The following MUC4 variants were observed in gnomAD, a reference collection of about 807,000 sequenced individuals.
MUC4 encodes the protein mucin-4.
Under a neutral mutation model 257.9 loss-of-function variants are expected in MUC4, and 202 were observed. The observed-to-expected ratio is 0.78, with a 90% confidence interval of 0.70 to 0.88. MUC4 has a LOEUF of 0.88. MUC4 is among the 40% of genes least tolerant of loss of function. The pLI is 0.00. For synonymous variants in MUC4, 2,351 were observed against 2,757.1 expected, an observed-to-expected ratio of 0.85 and a Z score of 4.62; for missense variants, 5,976 against 6,513.7, an observed-to-expected ratio of 0.92 and a Z score of 2.84.
intron 3 of MUC4, 78 bp from the exon 4 acceptor site, chr3:195,774,383 T>C: frequency 6.9e-7 from 1 of 1,455,588 alleles, no homozygotes; most frequent in Non-Finnish European, 9.1e-7. Flanking sequence ...CCCAGAGCGC[T>C]CCCTGCAGGC....
intron 23 of MUC4, chr3:195,750,619 A>C: frequency 1.8e-6 from 1 of 552,312 alleles, no homozygotes; most frequent in Non-Finnish European, 3.2e-6. Flanking sequence ...AATTTTATGA[A>C]ACTAAATTGC....
intron 20 of MUC4, 98 bp from the exon 21 acceptor site, chr3:195,752,544 G>A (rs1441706610): frequency 9.9e-7 from 1 of 1,014,186 alleles, no homozygotes; most frequent in African/African-American, 1.6e-5. Context: ...CTCCATTCCA[G>A]TGACAGAAGG....
Position 195,808,682 on chromosome 3 carries a change from G to A in MUC4, c.82+3054C>T, listed in dbSNP as rs548576715. On this transcript the variant is annotated intron_variant, in intron 1 of 24. Transcript: ENST00000463781. ...AGGGCGTCGCTGATGCTGGACCTCT[G>A]AGTTTCAGCCCCTGCTCTTCCCTGT... Among the ~76,000 whole-genome samples, 9 of 152,344 alleles carry A rather than the reference G, an allele frequency of 5.9e-5. No homozygotes were observed. The South Asian group carries it at 1.9e-3, about 32-fold the overall frequency.
chr3:195,751,506 C>T (rs114120044), intron 21 of MUC4: 1 of 594,270 alleles, frequency 1.7e-6, no homozygotes, highest in African/African-American at 1.9e-5. Context: ...TCTGTCCCCC[C>T]CTCAGCCTCA....
At position 195,779,543 on chromosome 3, in the gene MUC4, G is replaced by C. The variant is rs200579564; in HGVS notation, c.12037C>G (p.His4013Asp). Residue 4013 changes from histidine (H) to aspartate (D), a missense_variant, in exon 2 of 25, where the codon CAC (histidine) becomes GAC (aspartate). Physicochemically the swap from His to Asp is moderately conservative, Grantham distance 81. Around this residue, in one of 44 missense-constraint regions of MUC4, gnomAD observed 293 missense variants for 294.5 expected, o/e 1.00. Coordinates refer to ENST00000463781, the MANE Select transcript of MUC4 (RefSeq NM_018406.7). ...CTGGTGACAGGAAGAGGGGTGGCGT[G>C]ACCTGTAGATACTGAGGAAGTGCTG... Reference protein sequence around the residue: ...VTSTSSVSTGHATPLPVTSPS... With the variant: ...VTSTSSVSTGDATPLPVTSPS... 2.7e-3 allele frequency: 2,508 copies of C among 932,076 alleles called. 61 individuals carry two copies. Among genetic ancestry groups the C allele is most frequent in the African/African-American group, 7.4e-3 (243 of 32,940 alleles). The allele number at this position is 932,076 out of a possible 1,614,324, so 57.7% of individuals were successfully genotyped here.
At chr3:195,811,589 T>C (rs931258307) in intron 1 of MUC4, 147 bp downstream of exon 1, 13 of 657,344 alleles carry the variant, frequency 2.0e-5, no homozygotes, top group Non-Finnish European at 3.4e-5. Context: ...TCCCTCTTTT[T>C]CTCTCCCTTC....
At chr3:195,767,594 C>CCACCATCAT (rs1721205355) in intron 7 of MUC4, among the ~76,000 whole-genome samples, 4 of 111,684 alleles carry the variant, frequency 3.6e-5, no homozygotes, top group African/African-American at 1.6e-4. Context: ...ATCACCACCA[C>CCACCATCAT]CACCATCATC....
rs1727237005 is a variant in MUC4, at chr3:195,780,713, A to T, written c.10867T>A (p.Ser3623Thr). 1.3e-6 allele frequency: 2 copies of T among 1,517,676 alleles called. No homozygotes were observed. Among genetic ancestry groups the T allele is most frequent in the Non-Finnish European group, 1.8e-6 (2 of 1,141,626 alleles). The allele number at this position is 1,517,676 out of a possible 1,614,324, so 94.0% of individuals were successfully genotyped here. A position where few individuals can be genotyped will look rare whatever the true frequency, so the allele number is the denominator to read the frequency against. ...DTTRLPVTDTSSASTGQATPL... is the reference protein window; with the variant it reads ...DTTRLPVTDTTSASTGQATPL... Reference sequence around the variant, plus strand: ...GTGGCCTGACCTGTGGATGCTGAGGAAGTGTCCGTGACAGGAAGACGGGTG... The same window carrying T: ...GTGGCCTGACCTGTGGATGCTGAGGTAGTGTCCGTGACAGGAAGACGGGTG... Residue 3623 changes from serine to threonine, a missense_variant, in exon 2 of 25, where the codon TCC (serine) becomes ACC (threonine). Around this residue, in one of 44 missense-constraint regions of MUC4, gnomAD observed 59 missense variants for 149.8 expected, o/e 0.39. Coordinates refer to ENST00000463781, the MANE Select transcript of MUC4 (RefSeq NM_018406.7).
rs553059501 is a variant in MUC4, at chr3:195,805,020, G to T, written c.82+6716C>A. Among the ~76,000 whole-genome samples the T allele has an allele frequency of 6.8e-4, 104 of 152,074 alleles. 3 individuals are homozygous for T. Among genetic ancestry groups the T allele is most frequent in the Non-Finnish European group, 5.0e-4 (34 of 68,020 alleles). ...GGCCCTGTGGCCTTTGTTGCCTTCAGCCGAGGCTGGAGAGAGGGTGACGTT... is the reference window on the plus strand; with the variant it reads ...GGCCCTGTGGCCTTTGTTGCCTTCATCCGAGGCTGGAGAGAGGGTGACGTT... On this transcript the variant is annotated intron_variant, in intron 1 of 24. Coordinates refer to ENST00000463781, the MANE Select transcript of MUC4 (RefSeq NM_018406.7).
chr3:195,778,202 C>T, intron 3 of MUC4, 101 bp downstream of exon 3: 2 of 1,422,774 alleles, frequency 1.4e-6, no homozygotes, highest in East Asian at 2.5e-5. Flanking sequence ...CGGTAAGGCC[C>T]TCCCCACCCG....
Position 195,771,544 on chromosome 3 carries a change from G to A in MUC4, c.13242+108C>T, listed in dbSNP as rs886109507. ...ACCCATATTTAAGCCTCAGTCCCCT[G>A]CTGCAGGGGCTGTCACAGCAGCAAC... is the stretch of plus-strand genomic sequence containing the variant. On this transcript the variant is annotated intron_variant, in intron 5 of 24. Transcript: ENST00000463781. 7.6e-6 allele frequency: 10 copies of A among 1,314,252 alleles called. No individual in the cohort carries two copies. In the Admixed American group the frequency reaches 1.2e-4, roughly 15 times the overall value. The allele number at this position is 1,314,252 out of a possible 1,614,324, so 81.4% of individuals were successfully genotyped here.
At chr3:195,800,059 T>A (rs897193109) in intron 1 of MUC4, among the ~76,000 whole-genome samples, 4 of 152,006 alleles carry the variant, frequency 2.6e-5, no homozygotes, top group Non-Finnish European at 4.4e-5. Flanking sequence ...GGGTGGATCA[T>A]TTGAGGTCAG....
Position 195,780,918 on chromosome 3 carries a change from A to T in MUC4, c.10662T>A (p.Pro3554=). Residue 3554 remains proline, a synonymous_variant, in exon 2 of 25, where the codon CCT becomes CCA. Transcript: ENST00000463781. ...SVSTGDTTPL[P]VTDASSASTG... is the part of the protein sequence containing the mutation. ...TGGATGCCGAGGAAGCGTCGGTGAC[A>T]GGAAGAGGGGTGGTGTCACCTGTGG... 6.6e-7 allele frequency: 1 copy of T among 1,513,796 alleles called. No individual in the cohort carries two copies. Among genetic ancestry groups the T allele is most frequent in the Non-Finnish European group, 8.9e-7 (1 of 1,123,896 alleles). 93.8% of individuals were successfully genotyped at this position (1,513,796 alleles called of 1,614,324 possible).
At chr3:195,768,951 G>A (rs1432524270) in intron 7 of MUC4, 71 bp downstream of exon 7, 2 of 1,545,386 alleles carry the variant, frequency 1.3e-6, no homozygotes, top group Non-Finnish European at 1.8e-6. Context: ...ATGGGAGTGT[G>A]TGTGCAGCGA....
chr3:195,759,855 G>T (rs1256478253), intron 16 of MUC4, among the ~76,000 whole-genome samples: 2 of 140,976 alleles, frequency 1.4e-5, no homozygotes, highest in Non-Finnish European at 3.1e-5. Flanking sequence ...GGAAGCAGAG[G>T]TTGCGACGAG....
chr3:195,789,003 T>G lies in MUC4; in HGVS notation c.2577A>C (p.Val859=), dbSNP rs1286304680. The G allele has an allele frequency of 3.7e-6, 6 of 1,613,650 alleles. No individual in the cohort carries two copies. The highest frequency in any genetic ancestry group is 5.1e-6 in the Non-Finnish European group (6 of 1,179,810). Residue 859 remains valine, a synonymous_variant, in exon 2 of 25, where the codon GTA becomes GTC. Coordinates refer to ENST00000463781, the MANE Select transcript of MUC4 (RefSeq NM_018406.7). ...CGATCGAAGACGCCATTCCTGTGCT[T>G]ACTGGGATGGCACCATGACTGGCTG... ...SASASHGAIP[V]STGMASSIVP...
intron 13 of MUC4, 112 bp downstream of exon 13, chr3:195,762,721 CACGCGCCCGGCCCTGCACCACA>C: frequency 3.1e-6 from 2 of 640,092 alleles, no homozygotes; most frequent in South Asian, 3.6e-5. Context: ...GCGGCACCGC[CACGCGCCCGGCCCTGCACCACA>C]ACGCACCCGG....
Position 195,778,370 on chromosome 3 carries a change from G to A in MUC4, c.12876C>T (p.Ser4292=), listed in dbSNP as rs1578180261. 6.2e-7 allele frequency: 1 copy of A among 1,613,158 alleles called. No individual in the cohort carries two copies. Among genetic ancestry groups the A allele is most frequent in the East Asian group, 2.2e-5 (1 of 44,880 alleles). The change falls in exon 3 of 25, where the codon TCC becomes TCT. Residue 4292 remains serine, a synonymous_variant. Coordinates refer to ENST00000463781, the MANE Select transcript of MUC4 (RefSeq NM_018406.7). ...TGTGCATGGCAGTGCTGGGAATGGT[G>A]GAAATGATGGTCTGGGAGGTTGTGG... The part of the protein sequence containing the change: ...PPPTTSQTII[S]TIPSTAMHTR...
chr3:195,810,963 A>G lies in MUC4; in HGVS notation c.82+773T>C, dbSNP rs1736629050. 6.6e-6 allele frequency among the ~76,000 whole-genome samples: 1 copy of G among 151,652 alleles called. No individual in the cohort carries two copies. The highest frequency in any genetic ancestry group is 2.1e-4 in the South Asian group (1 of 4,796). Reference sequence around the variant, plus strand: ...CTGCCTGTCTTTCTCTCTGCGAGTAAGCCTGGGCTCTCACCATGGATCCTT... The same window carrying G: ...CTGCCTGTCTTTCTCTCTGCGAGTAGGCCTGGGCTCTCACCATGGATCCTT... On this transcript the variant is annotated intron_variant, in intron 1 of 24. Transcript: ENST00000463781. The surrounding 1 kb of genome is among the most constrained non-coding windows in gnomAD (Gnocchi z 4.2).
Sources: allele counts gnomAD v4.1 joint callset (sites outside exome capture counted in the v4.1 genomes callset), GRCh38; gene constraint gnomAD v4.1.1; regional missense constraint gnomAD v4.1.1; non-coding constraint Gnocchi (gnomAD v3.1); transcripts MANE v1.5; gene names NCBI Gene and HGNC (gene_info 2026-07-23, HGNC 2026-07-21).